MECOM: variants seen among roughly 807,000 people sequenced by gnomAD.
MECOM encodes MDS1 and EVI1 complex locus.
MECOM carries 13 observed loss-of-function variants against 116.3 expected under a neutral mutation model. The ratio of observed to expected loss-of-function variants is 0.11; its 90% confidence interval spans 0.07 to 0.18. The LOEUF (loss-of-function observed/expected upper bound fraction) is 0.18, where lower values mean the gene tolerates loss of function less well. MECOM is among the 10% of genes least tolerant of loss of function. The pLI, the probability that MECOM is intolerant of heterozygous loss-of-function variation, is 1.00. For synonymous variants in MECOM, 528 were observed against 535.2 expected (o/e 0.99, Z 0.19); for missense variants, 1,299 against 1,509.0 (o/e 0.86, Z 2.31).
At position 169,172,049 on chromosome 3, in the gene MECOM, G is replaced by T. The variant is rs146814330; in HGVS notation, c.376-28217C>A. On this transcript the variant is annotated intron_variant, in intron 2 of 16. Transcript: ENST00000651503. ...GAAACAGGCAATACTGATGTAGAAA[G>T]AACTGAGGAATAAAAAGAATAGAAA... is the stretch of plus-strand genomic sequence containing the variant. Among the ~76,000 whole-genome samples the T allele has an allele frequency of 8.1e-4, 122 of 151,524 alleles. 1 individual carries two copies. The highest frequency in any genetic ancestry group is 2.8e-3 in the African/African-American group (115 of 41,328).
rs11707514 is a variant in MECOM, at chr3:169,378,483, G to A, written c.375+2704C>T. Among the ~76,000 whole-genome samples the A allele has an allele frequency of 3.4e-3, 102 of 30,016 alleles. 16 individuals are homozygous for A. The highest frequency in any genetic ancestry group is 0.022 in the African/African-American group (51 of 2,330). The allele number at this position is 30,016 out of a possible 152,430, so 19.7% of individuals were successfully genotyped here. On this transcript the variant is annotated intron_variant, in intron 2 of 16. Transcript: ENST00000651503. ...CAAGCAAGCAAGCAAGCAAGAAAGAGAGAGAGAAAGAAAGAAAGAAAGAAA... is the reference window on the plus strand; with the variant it reads ...CAAGCAAGCAAGCAAGCAAGAAAGAAAGAGAGAAAGAAAGAAAGAAAGAAA...
intron 2 of MECOM, among the ~76,000 whole-genome samples, chr3:169,380,844 A>T (rs1243963869): frequency 1.3e-5 from 2 of 152,196 alleles, no homozygotes; most frequent in Non-Finnish European, 2.9e-5. Context: ...TGCAATAAAC[A>T]TGTCATATGA....
chr3:169,472,047 A>G (rs1749332838), intron 1 of MECOM, among the ~76,000 whole-genome samples: 1 of 152,112 alleles, frequency 6.6e-6, no homozygotes, highest in African/African-American at 2.4e-5. Flanking sequence ...ATGTGCAAGG[A>G]TCCTAAGAGT....
At chr3:169,637,282 A>T (rs1211198285) in intron 1 of MECOM, among the ~76,000 whole-genome samples, 1 of 152,188 alleles carries the variant, frequency 6.6e-6, no homozygotes, top group East Asian at 1.9e-4. Context: ...CCACAGCCAC[A>T]TGAGACCGCA....
intron 2 of MECOM, among the ~76,000 whole-genome samples, chr3:169,305,963 A>G (rs866644265): frequency 3.4e-4 from 52 of 152,292 alleles, no homozygotes; most frequent in Middle Eastern, 3.4e-3. Flanking sequence ...GATAATATAG[A>G]AAAACATATT....
chr3:169,470,474 C>T (rs924419117), intron 1 of MECOM, among the ~76,000 whole-genome samples: 2 of 152,142 alleles, frequency 1.3e-5, no homozygotes, highest in Admixed American at 6.5e-5. Flanking sequence ...CTTTAGGAGC[C>T]CTGTCCTTTC....
rs114462937 is a variant in MECOM at position 169,410,084 on chromosome 3, G to A, written c.38-28560C>T. 4.1e-3 allele frequency among the ~76,000 whole-genome samples: 628 copies of A among 152,152 alleles called. 4 individuals are homozygous for A. The highest frequency in any genetic ancestry group is 6.5e-3 in the Non-Finnish European group (440 of 67,998). On this transcript the variant is annotated intron_variant, in intron 1 of 16. Transcript: ENST00000651503. ...ACAGCAACAATAAGTCATTTTTCAC[G>A]TTTATTTTCCATGCACATAAAGACA...
At chr3:169,525,023 A>G (rs1241675026) in intron 1 of MECOM, among the ~76,000 whole-genome samples, 1 of 152,188 alleles carries the variant, frequency 6.6e-6, no homozygotes, top group Non-Finnish European at 1.5e-5. Context: ...CTGATAAGAT[A>G]TTCCAAATTC....
At chr3:169,188,562 C>T (rs1052362343) in intron 2 of MECOM, among the ~76,000 whole-genome samples, 23 of 151,922 alleles carry the variant, frequency 1.5e-4, no homozygotes, top group African/African-American at 4.4e-4. Context: ...CACAGTACTC[C>T]GGGAGTATTT....
chr3:169,576,515 C>A (rs964585784), intron 1 of MECOM, among the ~76,000 whole-genome samples: 1 of 152,126 alleles, frequency 6.6e-6, no homozygotes, highest in African/African-American at 2.4e-5. Context: ...GCATACCTTA[C>A]AATTAAACAT....
intron 1 of MECOM, among the ~76,000 whole-genome samples, chr3:169,401,906 C>T (rs1340053547): frequency 6.6e-6 from 1 of 152,188 alleles, no homozygotes; most frequent in Non-Finnish European, 1.5e-5. Context: ...TACCCTAGAG[C>T]TTGGCCTTCC....
intron 2 of MECOM, among the ~76,000 whole-genome samples, chr3:169,238,867 AAACT>A (rs1281315244): frequency 6.6e-6 from 1 of 152,144 alleles, no homozygotes; most frequent in Non-Finnish European, 1.5e-5. Flanking sequence ...AAAAGATTAT[AAACT>A]AACTTACACA....
At chr3:169,192,296 A>G (rs1747810170) in intron 2 of MECOM, among the ~76,000 whole-genome samples, 1 of 152,080 alleles carries the variant, frequency 6.6e-6, no homozygotes, top group Admixed American at 6.6e-5. Context: ...ACGTTTAGCA[A>G]TTCAAGGCAG....
chr3:169,216,281 T>A (rs1751411178), intron 2 of MECOM, among the ~76,000 whole-genome samples: 1 of 152,184 alleles, frequency 6.6e-6, no homozygotes, highest in South Asian at 2.1e-4. Flanking sequence ...ATGACGACCA[T>A]CTAAACTACT....
At chr3:169,572,855 C>T (rs981075459) in intron 1 of MECOM, among the ~76,000 whole-genome samples, 2 of 152,076 alleles carry the variant, frequency 1.3e-5, no homozygotes, top group South Asian at 2.1e-4. Flanking sequence ...GGAGGGATAG[C>T]ATTGGGAGAA....
At chr3:169,222,924 T>C (rs34804420) in intron 2 of MECOM, among the ~76,000 whole-genome samples, 51,505 of 151,960 alleles carry the variant, frequency 0.34, 9,496 homozygotes, top group Middle Eastern at 0.54. Context: ...CCTTCTTTCA[T>C]GGAACAATTA....
chr3:169,185,833 G>A (rs928431966), intron 2 of MECOM, among the ~76,000 whole-genome samples: 7 of 152,124 alleles, frequency 4.6e-5, no homozygotes, highest in African/African-American at 1.7e-4. Flanking sequence ...TAATTCAACC[G>A]AGTCTTTTCT....
chr3:169,185,333 C>T (rs1171853635), intron 2 of MECOM, among the ~76,000 whole-genome samples: 3 of 151,992 alleles, frequency 2.0e-5, no homozygotes, highest in Non-Finnish European at 2.9e-5. Flanking sequence ...GTGAATGAAC[C>T]GTGGTCTAGA....
intron 1 of MECOM, among the ~76,000 whole-genome samples, chr3:169,532,609 A>C (rs1164594317): frequency 2.0e-5 from 3 of 152,176 alleles, no homozygotes; most frequent in Non-Finnish European, 4.4e-5. Context: ...TGCCTTATAA[A>C]TAGCCTCTGA....
Sources: allele counts gnomAD v4.1 joint callset (sites outside exome capture counted in the v4.1 genomes callset), GRCh38; gene constraint gnomAD v4.1.1; transcripts MANE v1.5; gene names NCBI Gene and HGNC (gene_info 2026-07-23, HGNC 2026-07-21).